Variants in SOX5 observed in about 807,000 individuals in gnomAD.
SOX5 encodes the protein SRY-box transcription factor 5, also known as transcription factor SOX-5.
SOX5 carries 9 observed loss-of-function variants against 92.0 expected under a neutral mutation model. The observed-to-expected ratio is 0.10, with a 90% CI of 0.06 to 0.17. The LOEUF (loss-of-function observed/expected upper bound fraction) is 0.17. SOX5 is among the 10% of genes least tolerant of loss of function. The pLI is 1.00. For missense variants in SOX5, 642 were observed against 944.5 expected, an observed-to-expected ratio of 0.68 and a Z score of 4.20; for synonymous variants, 344 against 336.3, an observed-to-expected ratio of 1.02 and a Z score of -0.25.
At chr12:23,810,674 G>T (rs1012534915) in intron 3 of SOX5, among the ~76,000 whole-genome samples, 1 of 152,070 alleles carries the variant, frequency 6.6e-6, no homozygotes, top group African/African-American at 2.4e-5. Context: ...ATGGAGGTGG[G>T]GTTAGATTTT....
intron 1 of SOX5, among the ~76,000 whole-genome samples, chr12:23,905,552 C>A (rs1043212457): frequency 5.9e-5 from 9 of 151,980 alleles, no homozygotes; most frequent in Admixed American, 5.9e-4. Flanking sequence ...TTACTATGTG[C>A]CTAAAGCAAC....
At chr12:23,647,099 C>A (rs948044486) in intron 7 of SOX5, among the ~76,000 whole-genome samples, 1 of 152,162 alleles carries the variant, frequency 6.6e-6, no homozygotes, top group African/African-American at 2.4e-5. Flanking sequence ...AATAATAGGG[C>A]TTGAAAGTCA....
rs1372689924 is a variant in SOX5, at chr12:23,604,382, G to A, written c.1164+5C>T. ...GGCAAGACAGTGGCTTCTTCAAAAG[G>A]GTACCTTGCTTTTGGGTGGTGGGCT... On this transcript the variant is annotated splice_donor_5th_base_variant and intron_variant, in intron 9 of 14. Transcript: ENST00000451604. 18 of 1,613,284 alleles carry A rather than the reference G, an allele frequency of 1.1e-5. No individual in the cohort carries two copies. The highest frequency in any genetic ancestry group is 1.5e-5 in the Non-Finnish European group (18 of 1,179,576).
intron 6 of SOX5, among the ~76,000 whole-genome samples, chr12:23,674,183 C>T (rs569086688): frequency 6.6e-6 from 1 of 152,102 alleles, no homozygotes; most frequent in East Asian, 1.9e-4. Flanking sequence ...TGGGAACTTA[C>T]ACATGATCAC....
At chr12:24,180,970 A>T (rs1955432800) in intron 4 of SOX5, among the ~76,000 whole-genome samples, 1 of 152,196 alleles carries the variant, frequency 6.6e-6, no homozygotes, top group African/African-American at 2.4e-5. Context: ...TTGTATAAGC[A>T]TCTCGCCATT....
intron 1 of SOX5, among the ~76,000 whole-genome samples, chr12:23,911,874 G>A (rs902064384): frequency 7.2e-5 from 11 of 152,062 alleles, no homozygotes; most frequent in Non-Finnish European, 1.6e-4. Context: ...GAACATCTTC[G>A]TGGCCTTGGG....
At chr12:23,925,139 A>G (rs1156667932) in intron 1 of SOX5, among the ~76,000 whole-genome samples, 2 of 152,148 alleles carry the variant, frequency 1.3e-5, no homozygotes, top group Admixed American at 6.5e-5. Flanking sequence ...TATTTTCATA[A>G]TGTAGCTACA....
At chr12:23,708,325 A>AC (rs1192326225) in intron 6 of SOX5, among the ~76,000 whole-genome samples, 7 of 152,084 alleles carry the variant, frequency 4.6e-5, no homozygotes, top group African/African-American at 1.7e-4. Context: ...TATAAAAAAA[A>AC]AAACAAACAC....
intron 1 of SOX5, among the ~76,000 whole-genome samples, chr12:24,402,975 T>A (rs566443937): frequency 6.6e-6 from 1 of 152,326 alleles, no homozygotes; most frequent in South Asian, 2.1e-4. Flanking sequence ...CTAAACATAC[T>A]CTTCCCCTAC....
intron 9 of SOX5, among the ~76,000 whole-genome samples, chr12:23,594,719 G>A (rs1005563693): frequency 6.6e-6 from 1 of 152,070 alleles, no homozygotes; most frequent in Admixed American, 6.5e-5. Flanking sequence ...AATCCTATAG[G>A]ATCTGGTCTT....
intron 2 of SOX5, among the ~76,000 whole-genome samples, chr12:24,277,517 TATTTATATGTATATA>T (rs1414213672): frequency 7.3e-6 from 1 of 136,964 alleles, no homozygotes; most frequent in African/African-American, 2.5e-5. Context: ...TATAAATATA[TATTTATATGTATATA>T]ATTTATATGT....
chr12:24,212,722 A>G lies in SOX5; in HGVS notation c.-2+621T>C, dbSNP rs148235859. 5.9e-5 allele frequency among the ~76,000 whole-genome samples: 9 copies of G among 152,364 alleles called. No individual in the cohort carries two copies. In the East Asian group the frequency reaches 1.7e-3, roughly 29 times the overall value. ...GAAACGTGACTAAAACTAACCTTGC[A>G]CAATGACTGCTGAATGCTCCCAGGA... On this transcript the variant is annotated intron_variant, in intron 4 of 4. Coordinates refer to the SOX5 transcript ENST00000446891.
chr12:24,366,091 CA>C (rs1956143598), intron 2 of SOX5, among the ~76,000 whole-genome samples: 1 of 152,116 alleles, frequency 6.6e-6, no homozygotes, highest in Non-Finnish European at 1.5e-5. Flanking sequence ...AATTCAATGT[CA>C]CTATTCGAAT....
At chr12:24,040,780 G>A (rs1213896418) in intron 4 of SOX5, among the ~76,000 whole-genome samples, 1 of 152,170 alleles carries the variant, frequency 6.6e-6, no homozygotes, top group Non-Finnish European at 1.5e-5. Flanking sequence ...GGCTGAGGCA[G>A]GAGAATGGCG....
intron 2 of SOX5, among the ~76,000 whole-genome samples, chr12:24,277,860 G>T (rs1944676874): frequency 6.6e-6 from 1 of 152,074 alleles, no homozygotes; most frequent in African/African-American, 2.4e-5. Flanking sequence ...CACAGTAATT[G>T]TTAAATGTTC....
At chr12:23,731,069 G>A (rs1337144578) in intron 6 of SOX5, among the ~76,000 whole-genome samples, 3 of 152,188 alleles carry the variant, frequency 2.0e-5, no homozygotes, top group East Asian at 3.8e-4. Flanking sequence ...AGGTGAATGC[G>A]TGGATCTATC....
rs367736772 is a variant in SOX5, at chr12:23,611,367, T to C, written c.1018-6834A>G. Among the ~76,000 whole-genome samples, 11 of 127,134 alleles carry C rather than the reference T, an allele frequency of 8.7e-5. No individual in the cohort carries two copies. In the East Asian group the frequency reaches 2.2e-3, roughly 25 times the overall value. 83.4% of individuals were successfully genotyped at this position (127,134 alleles called of 152,430 possible). A position where few individuals can be genotyped will look rare whatever the true frequency, so the allele number is the denominator to read the frequency against. The stretch of plus-strand genomic sequence containing the variant: ...AAGTATTCCATCGTGTGTGTGTGTG[T>C]GCGTGTGTGTGTGTGTGTGTGTGTG... On this transcript the variant is annotated intron_variant, in intron 8 of 14. Transcript: ENST00000451604.
intron 1 of SOX5, among the ~76,000 whole-genome samples, chr12:23,902,178 T>G (rs1337417463): frequency 6.6e-6 from 1 of 152,172 alleles, no homozygotes; most frequent in African/African-American, 2.4e-5. Flanking sequence ...TTAGGAAATG[T>G]TCTTTGGTAC....
intron 4 of SOX5, among the ~76,000 whole-genome samples, chr12:24,068,281 T>G (rs1027868169): frequency 1.3e-5 from 2 of 152,180 alleles, no homozygotes; most frequent in Non-Finnish European, 2.9e-5. Flanking sequence ...GAGGCCAGTA[T>G]ACACAGCATA....
Sources: gnomAD v4.1 joint callset for allele counts (sites outside exome capture counted in the v4.1 genomes callset) on GRCh38, gnomAD v4.1.1 for gene constraint, MANE v1.5 for transcripts, NCBI Gene and HGNC (gene_info 2026-07-23, HGNC 2026-07-21) for gene names.